Variants in DAB1 observed in about 807,000 individuals in gnomAD.
The protein encoded by DAB1 is DAB adaptor protein 1.
In DAB1, 15 loss-of-function variants were observed where a neutral mutation model predicts 64.6. The ratio of observed to expected loss-of-function variants is 0.23; its 90% CI spans 0.16 to 0.36. The LOEUF (loss-of-function observed/expected upper bound fraction) is 0.36. Among genes scored for constraint, DAB1 ranks in the 10% least tolerant of loss-of-function variants. DAB1 has a pLI of 1.00. For synonymous variants in DAB1, 235 were observed against 251.9 expected (o/e 0.93, Z 0.64); for missense variants, 596 against 706.7 (o/e 0.84, Z 1.78).
intron 2 of DAB1, among the ~76,000 whole-genome samples, chr1:58,522,735 A>T (rs918525337): frequency 7.9e-5 from 12 of 152,222 alleles, no homozygotes; most frequent in Non-Finnish European, 4.4e-5. Flanking sequence ...TTTGTATGTT[A>T]TATGTATTAT....
At chr1:58,068,221 G>A (rs1304023331) in intron 5 of DAB1, among the ~76,000 whole-genome samples, 1 of 152,228 alleles carries the variant, frequency 6.6e-6, no homozygotes, top group African/African-American at 2.4e-5. Flanking sequence ...GGGTGAAGTG[G>A]AGGAAACTGG....
At chr1:57,049,609 G>C (rs1188760415) in intron 9 of DAB1, among the ~76,000 whole-genome samples, 5 of 151,974 alleles carry the variant, frequency 3.3e-5, no homozygotes, top group African/African-American at 1.2e-4. Context: ...CCAGCTCCCT[G>C]TTTGTCTCAT....
chr1:58,046,083 G>A (rs563580846), intron 5 of DAB1, among the ~76,000 whole-genome samples: 1 of 152,038 alleles, frequency 6.6e-6, no homozygotes, highest in South Asian at 2.1e-4. Flanking sequence ...ATAAATGCAG[G>A]TACCTTCCTG....
At chr1:57,685,445 A>C (rs1367681392) in intron 6 of DAB1, among the ~76,000 whole-genome samples, 1 of 152,208 alleles carries the variant, frequency 6.6e-6, no homozygotes, top group Non-Finnish European at 1.5e-5. Context: ...AAAGACTTAC[A>C]TAGCCAAACA....
intron 7 of DAB1, among the ~76,000 whole-genome samples, chr1:57,586,808 TAA>T (rs34961960): frequency 2.1e-5 from 3 of 141,206 alleles, no homozygotes; most frequent in African/African-American, 2.6e-5. Flanking sequence ...ATACTTTACT[TAA>T]AAAAAAAAAA....
intron 5 of DAB1, among the ~76,000 whole-genome samples, chr1:58,016,007 G>T (rs571284019): frequency 9.2e-5 from 13 of 140,730 alleles, no homozygotes; most frequent in Admixed American, 7.6e-4. Flanking sequence ...AAACAGCCTA[G>T]GGGGGGGTAG....
At chr1:57,844,725 C>A (rs932899502) in intron 1 of DAB1, among the ~76,000 whole-genome samples, 3 of 152,164 alleles carry the variant, frequency 2.0e-5, no homozygotes. Context: ...TCAGAGAGGT[C>A]AAGGGACAGG....
intron 5 of DAB1, among the ~76,000 whole-genome samples, chr1:57,974,633 C>T (rs1645875912): frequency 6.6e-6 from 1 of 151,962 alleles, no homozygotes; most frequent in Admixed American, 6.6e-5. Flanking sequence ...GACAGGTAGC[C>T]AGAATTGAAA....
chr1:57,113,690 C>T (rs1655861728), intron 4 of DAB1, among the ~76,000 whole-genome samples: 1 of 152,114 alleles, frequency 6.6e-6, no homozygotes, highest in Non-Finnish European at 1.5e-5. Flanking sequence ...TGTACGCTTG[C>T]AATCAAAAAC....
At chr1:57,845,018 C>T (rs764874970) in intron 1 of DAB1, among the ~76,000 whole-genome samples, 4 of 152,114 alleles carry the variant, frequency 2.6e-5, no homozygotes, top group South Asian at 2.1e-4. Context: ...AAGTAACTTC[C>T]CAGAACCATC....
At chr1:58,443,872 TA>T (rs1374347576) in intron 3 of DAB1, among the ~76,000 whole-genome samples, 1 of 152,240 alleles carries the variant, frequency 6.6e-6, no homozygotes, top group East Asian at 1.9e-4. Flanking sequence ...TAGTTCATCC[TA>T]AAATATCAAA....
chr1:57,283,735 A>G lies in DAB1; in HGVS notation c.67+7229T>C, dbSNP rs1672092949. Among the ~76,000 whole-genome samples, 3 of 152,354 alleles carry G rather than the reference A, an allele frequency of 2.0e-5. No homozygotes were observed. In the South Asian group the frequency reaches 6.2e-4, roughly 32 times the overall value. On this transcript the variant is annotated intron_variant, in intron 2 of 14. Transcript: ENST00000371236. ...AGGAAGCAAACACCCTGAGATGTTA[A>G]TGAGGTGAATCCTAAGAACATAAGT... is the stretch of plus-strand genomic sequence containing the variant.
chr1:58,492,662 C>G (rs938596013), intron 3 of DAB1, among the ~76,000 whole-genome samples: 2 of 152,262 alleles, frequency 1.3e-5, no homozygotes, highest in African/African-American at 4.8e-5. Context: ...ACTAGAAAAT[C>G]TGGAAGAAAT....
At chr1:58,531,678 A>T (rs939798693) in intron 1 of DAB1, among the ~76,000 whole-genome samples, 1 of 151,554 alleles carries the variant, frequency 6.6e-6, no homozygotes, top group Non-Finnish European at 1.5e-5. Flanking sequence ...TTGCCTCAAA[A>T]CACAAATGTG....
intron 5 of DAB1, among the ~76,000 whole-genome samples, chr1:58,053,944 A>G (rs1390060171): frequency 6.6e-6 from 1 of 152,218 alleles, no homozygotes; most frequent in Admixed American, 6.5e-5. Flanking sequence ...CCATGGTCCC[A>G]CATTGTTGCC....
chr1:57,773,731 G>A (rs1272953012), intron 6 of DAB1, among the ~76,000 whole-genome samples: 1 of 151,824 alleles, frequency 6.6e-6, no homozygotes, highest in East Asian at 1.9e-4. Context: ...TAAATATCCA[G>A]CAATTCCACC....
chr1:57,561,666 G>A (rs1349102706), intron 7 of DAB1, among the ~76,000 whole-genome samples: 3 of 152,160 alleles, frequency 2.0e-5, no homozygotes, highest in Non-Finnish European at 4.4e-5. Context: ...CAGTCACCCC[G>A]TCTTCACACC....
chr1:58,492,039 A>G (rs187260679), intron 3 of DAB1, among the ~76,000 whole-genome samples: 1 of 152,338 alleles, frequency 6.6e-6, no homozygotes, highest in East Asian at 1.9e-4. Context: ...AGCAAATTAA[A>G]AGAACAGAAA....
chr1:58,348,088 C>A (rs879284229), intron 3 of DAB1, among the ~76,000 whole-genome samples: 1 of 152,154 alleles, frequency 6.6e-6, no homozygotes, highest in Non-Finnish European at 1.5e-5. Context: ...AGGATGACCT[C>A]ACCTTCCCTC....
Sources: gnomAD v4.1 joint callset for allele counts (sites outside exome capture counted in the v4.1 genomes callset) on GRCh38, gnomAD v4.1.1 for gene constraint, MANE v1.5 for transcripts, NCBI Gene and HGNC (gene_info 2026-07-23, HGNC 2026-07-21) for gene names.